PCDHGA12: variants seen among roughly 807,000 people sequenced by gnomAD.
PCDHGA12 encodes the protein protocadherin gamma-A12.
In PCDHGA12, 43 loss-of-function variants were observed where a neutral mutation model predicts 61.1. The observed-to-expected ratio is 0.70, with a 90% CI of 0.55 to 0.91. The LOEUF is 0.91. Among genes scored for constraint, PCDHGA12 ranks in the 40% least tolerant of loss-of-function variants. The pLI, the probability that PCDHGA12 is intolerant of heterozygous loss-of-function variation, is 0.00. For synonymous variants in PCDHGA12, 520 were observed against 542.9 expected (o/e 0.96, Z 0.59); for missense variants, 1,236 against 1,227.7 (o/e 1.01, Z -0.10).
Position 141,431,278 on chromosome 5 carries a change from C to A in PCDHGA12, c.519C>A (p.Ser173Arg), listed in dbSNP as rs755533628. Residue 173 changes from serine to arginine, a missense_variant, in exon 1 of 4, where the codon AGC becomes AGA. Physicochemically the swap from Ser to Arg is moderately radical, Grantham distance 110 (BLOSUM62 -1). Transcript: ENST00000252085. The surrounding 1 kb of genome is among the most constrained non-coding windows in gnomAD (Gnocchi z 4.8). ...GKNSLQSYEL[S>R]PNTHFSLIVQ... ...ACTCTCTGCAGAGCTACGAGCTCAG[C>A]CCGAACACTCACTTCTCCCTCATCG... 6.2e-7 allele frequency: 1 copy of A among 1,614,170 alleles called. No individual in the cohort carries two copies. The highest frequency in any genetic ancestry group is 8.5e-7 in the Non-Finnish European group (1 of 1,180,038).
chr5:141,478,322 C>A, intron 1 of PCDHGA12: 3 of 1,613,976 alleles, frequency 1.9e-6, no homozygotes, highest in Non-Finnish European at 2.5e-6. Context: ...CTCACTGTAC[C>A]GAACACCAGG....
rs2154581798 is a variant in PCDHGA12, at chr5:141,489,799, G to T, written c.2425-5008G>T. 1 of 1,614,192 alleles carries T rather than the reference G, an allele frequency of 6.2e-7. No homozygotes were observed. The highest frequency in any genetic ancestry group is 2.2e-5 in the East Asian group (1 of 44,884). On this transcript the variant is annotated intron_variant, in intron 1 of 3. Coordinates refer to ENST00000252085, the MANE Select transcript of PCDHGA12 (RefSeq NM_003735.3). The surrounding 1 kb of genome is among the most constrained non-coding windows in gnomAD (Gnocchi z 4.5). Reference sequence around the variant, plus strand: ...CTCTCTGAATGTGAAGACCCTAAAAGATGGGAAGCCATTCCCAGAGCTGGT... The same window carrying T: ...CTCTCTGAATGTGAAGACCCTAAAATATGGGAAGCCATTCCCAGAGCTGGT...
intron 1 of PCDHGA12, among the ~76,000 whole-genome samples, chr5:141,466,358 A>G (rs1210013683): frequency 6.6e-6 from 1 of 152,066 alleles, no homozygotes; most frequent in Admixed American, 6.5e-5. Flanking sequence ...GCTAATCTAG[A>G]TGTAATGGTT....
rs1247067983 is a variant in PCDHGA12, at chr5:141,511,327, C to T, written c.*154C>T. ...CCCTTGGGAAACAGAAACAAGTGCC[C>T]AGTCAGCACCTACCCCTTCCCCCCC... On this transcript the variant is annotated 3_prime_UTR_variant, in exon 4 of 4. Transcript: ENST00000252085. 28 of 1,455,454 alleles carry T rather than the reference C, an allele frequency of 1.9e-5. No individual in the cohort carries two copies. Among genetic ancestry groups the T allele is most frequent in the Admixed American group, 2.4e-5 (1 of 41,734 alleles). 90.2% of individuals were successfully genotyped at this position (1,455,454 alleles called of 1,614,324 possible). A position where few individuals can be genotyped will look rare whatever the true frequency, so the allele number is the denominator to read the frequency against.
intron 1 of PCDHGA12, among the ~76,000 whole-genome samples, chr5:141,456,907 G>A (rs1430292511): frequency 6.6e-6 from 1 of 152,108 alleles, no homozygotes; most frequent in Non-Finnish European, 1.5e-5. Flanking sequence ...AGGTTGCAGT[G>A]AGCCGAGATC....
At chr5:141,460,961 A>ATATGTGTG (rs1463306338) in intron 1 of PCDHGA12, among the ~76,000 whole-genome samples, 3 of 144,556 alleles carry the variant, frequency 2.1e-5, no homozygotes, top group African/African-American at 7.8e-5. Context: ...GTATATATAT[A>ATATGTGTG]TGTGTGTGTG....
rs140199351 is a variant in PCDHGA12, at chr5:141,465,921, G to C, written c.2425-28886G>C. Among the ~76,000 whole-genome samples, 1,515 of 152,146 alleles carry C rather than the reference G, an allele frequency of 1.0e-2. 24 individuals carry two copies. The highest frequency in any genetic ancestry group is 0.034 in the African/African-American group (1,400 of 41,520). On this transcript the variant is annotated intron_variant, in intron 1 of 3. Transcript: ENST00000252085. ...GCAAATCACGAGGTCAGGATTTCGA[G>C]TCCATCCTGGCTAACATGGTGAAAC...
chr5:141,481,362 A>G (rs2099536613), intron 1 of PCDHGA12, among the ~76,000 whole-genome samples: 1 of 152,252 alleles, frequency 6.6e-6, no homozygotes, highest in African/African-American at 2.4e-5. Context: ...CAGCTGTTCA[A>G]TAGATATTGG....
intron 1 of PCDHGA12, chr5:141,478,076 C>A: frequency 6.2e-7 from 1 of 1,614,106 alleles, no homozygotes. Context: ...CAATGGGGAG[C>A]CTTCGCTCTC....
At position 141,487,329 on chromosome 5, in the gene PCDHGA12, C is replaced by T; in HGVS notation, c.2425-7478C>T. On this transcript the variant is annotated intron_variant, in intron 1 of 3. Coordinates refer to ENST00000252085, the MANE Select transcript of PCDHGA12 (RefSeq NM_003735.3). This position sits in a 1 kb window ranked among gnomAD's most constrained non-coding sequence, Gnocchi z 5.0. Reference sequence around the variant, plus strand: ...CTACTCTCTAAGTGTCTTCGTGGGGCAGCCTGTGGAGTCACATGCTTTCCT... The same window carrying T: ...CTACTCTCTAAGTGTCTTCGTGGGGTAGCCTGTGGAGTCACATGCTTTCCT... 1 of 1,614,170 alleles carries T rather than the reference C, an allele frequency of 6.2e-7. No homozygotes were observed. The highest frequency in any genetic ancestry group is 1.1e-5 in the South Asian group (1 of 91,070).
rs144203659 is a variant in PCDHGA12, at chr5:141,431,011, G to A, written c.252G>A (p.Leu84=). The A allele has an allele frequency of 1.5e-5, 24 of 1,613,168 alleles. No individual in the cohort carries two copies. The highest frequency in any genetic ancestry group is 1.7e-5 in the Non-Finnish European group (20 of 1,179,310). ...CCCTGAATCCGCGCAGCGGCAGCTTGGTCACGGCGGGCAGGATAGACCGGG... is the reference window on the plus strand; with the variant it reads ...CCCTGAATCCGCGCAGCGGCAGCTTAGTCACGGCGGGCAGGATAGACCGGG... The part of the protein sequence containing the change: ...LFALNPRSGS[L]VTAGRIDREE... The change falls in exon 1 of 4, where the codon TTG becomes TTA. Residue 84 remains leucine (L), a synonymous_variant. Transcript: ENST00000252085. This position sits in a 1 kb window ranked among gnomAD's most constrained non-coding sequence, Gnocchi z 4.8.
At chr5:141,498,338 G>A (rs2237079) in intron 2 of PCDHGA12, among the ~76,000 whole-genome samples, 68,665 of 151,630 alleles carry the variant, frequency 0.45, 15,766 homozygotes, top group Admixed American at 0.55. Flanking sequence ...CATTCCAAAT[G>A]GGAAAAGCCT....
Position 141,490,799 on chromosome 5 carries a change from G to A in PCDHGA12, c.2425-4008G>A, listed in dbSNP as rs757092044. On this transcript the variant is annotated intron_variant, in intron 1 of 3. Coordinates refer to ENST00000252085, the MANE Select transcript of PCDHGA12 (RefSeq NM_003735.3). The surrounding 1 kb of genome is among the most constrained non-coding windows in gnomAD (Gnocchi z 5.4). ...GAGGATGGACGGATCTTTGCCCAGC[G>A]TACCTTTGACTATGAATTGCTGCAG... is the stretch of plus-strand genomic sequence containing the variant. 2.7e-5 allele frequency: 43 copies of A among 1,613,888 alleles called. No individual in the cohort carries two copies. Among genetic ancestry groups the A allele is most frequent in the Middle Eastern group, 3.3e-4 (2 of 6,062 alleles).
rs925541311 is a variant in PCDHGA12 at position 141,431,452 on chromosome 5, G to C, written c.693G>C (p.Met231Ile). 11 of 1,613,630 alleles carry C rather than the reference G, an allele frequency of 6.8e-6. No individual in the cohort carries two copies. The highest frequency in any genetic ancestry group is 9.3e-6 in the Non-Finnish European group (11 of 1,179,982). Residue 231 changes from methionine to isoleucine, a missense_variant, in exon 1 of 4, where the codon ATG becomes ATC. Met to Ile is a conservative substitution (Grantham distance 10). Transcript: ENST00000252085. The surrounding 1 kb of genome is among the most constrained non-coding windows in gnomAD (Gnocchi z 4.8). ...VRTGTARIRV[M>I]VLDANDNAPA... ...CAGGCACCGCGCGCATCCGCGTGAT[G>C]GTTCTGGATGCGAACGACAACGCAC...
intron 1 of PCDHGA12, among the ~76,000 whole-genome samples, chr5:141,462,331 T>C (rs909948238): frequency 6.6e-6 from 1 of 152,244 alleles, no homozygotes; most frequent in African/African-American, 2.4e-5. Context: ...TCTAATTTAA[T>C]TGTATTGTGA....
In PCDHGA12 at chr5:141,432,976, C is replaced by T; in HGVS notation, c.2217C>T (p.His739=). 1 of 1,614,210 alleles carries T rather than the reference C, an allele frequency of 6.2e-7. No individual in the cohort carries two copies. Residue 739 remains histidine, a synonymous_variant, in exon 1 of 4, where the codon CAC becomes CAT. Transcript: ENST00000252085. The surrounding 1 kb of genome is among the most constrained non-coding windows in gnomAD (Gnocchi z 6.0). ...GGGLTGAPAS[H]FVGVDGVQAF... Reference sequence around the variant, plus strand: ...GCTTGACAGGAGCGCCGGCGTCGCACTTTGTGGGCGTGGACGGGGTGCAGG... The same window carrying T: ...GCTTGACAGGAGCGCCGGCGTCGCATTTTGTGGGCGTGGACGGGGTGCAGG...
chr5:141,477,779 A>C lies in PCDHGA12; in HGVS notation c.2425-17028A>C. ...CCTAGCCACCAACATCAGCGTGAAC[A>C]TATTTGTCACTGATCGCAATGACAA... is the stretch of plus-strand genomic sequence containing the variant. On this transcript the variant is annotated intron_variant, in intron 1 of 3. Transcript: ENST00000252085. The surrounding 1 kb of genome is among the most constrained non-coding windows in gnomAD (Gnocchi z 4.9). 1.2e-6 allele frequency: 2 copies of C among 1,614,012 alleles called. No individual in the cohort carries two copies. Among genetic ancestry groups the C allele is most frequent in the Non-Finnish European group, 1.7e-6 (2 of 1,180,020 alleles).
At chr5:141,507,084 T>G (rs2099858284) in intron 3 of PCDHGA12, 1 of 152,142 alleles carries the variant, frequency 6.6e-6, no homozygotes, top group African/African-American at 2.4e-5. Flanking sequence ...ACTCCTAAGT[T>G]TATGCTCTTT....
At chr5:141,500,959 C>T (rs2099804326) in intron 2 of PCDHGA12, among the ~76,000 whole-genome samples, 1 of 152,022 alleles carries the variant, frequency 6.6e-6, no homozygotes, top group South Asian at 2.1e-4. Flanking sequence ...AGCTCCACCT[C>T]CTGGGTTCAA....
Sources: allele counts gnomAD v4.1 joint callset (sites outside exome capture counted in the v4.1 genomes callset), GRCh38; gene constraint gnomAD v4.1.1; non-coding constraint Gnocchi (gnomAD v3.1); transcripts MANE v1.5; gene names NCBI Gene and HGNC (gene_info 2026-07-23, HGNC 2026-07-21).